The following CCDC92 variants were observed in gnomAD, a reference collection of about 807,000 sequenced individuals.
The protein encoded by CCDC92 is coiled-coil domain-containing protein 92.
A neutral mutation model predicts 24.9 loss-of-function variants in CCDC92; 12 were observed. That is an observed-to-expected ratio of 0.48 (90% CI 0.31 to 0.78). The LOEUF (loss-of-function observed/expected upper bound fraction) is 0.78. Ranked by LOEUF, CCDC92 falls within the 30% of genes least tolerant of loss-of-function variation. CCDC92 has a pLI of 0.05. For synonymous variants in CCDC92, 193 were observed against 196.3 expected (o/e 0.98, Z 0.14); for missense variants, 399 against 439.4 (o/e 0.91, Z 0.82).
chr12:123,965,071 T>C (rs1320818313), intron 1 of CCDC92, among the ~76,000 whole-genome samples: 1 of 152,222 alleles, frequency 6.6e-6, no homozygotes, highest in East Asian at 1.9e-4. Flanking sequence ...CTGGGTCTTT[T>C]TTTTAAATAC....
At chr12:123,969,922 T>C (rs1956485875) in intron 1 of CCDC92, 1 of 152,162 alleles carries the variant, frequency 6.6e-6, no homozygotes, top group African/African-American at 2.4e-5. Context: ...TCAATGTTTA[T>C]TGTAGAAAAT....
At chr12:123,963,325 CA>C (rs1956318251) in intron 1 of CCDC92, among the ~76,000 whole-genome samples, 1 of 152,174 alleles carries the variant, frequency 6.6e-6, no homozygotes, top group Non-Finnish European at 1.5e-5. Context: ...TTTGGGAGGG[CA>C]AACTCTCACC....
chr12:123,944,271 C>T lies in CCDC92; in HGVS notation c.34+1G>A. On this transcript the variant is annotated splice_donor_variant, in intron 2 of 4. Coordinates refer to ENST00000238156, the MANE Select transcript of CCDC92 (RefSeq NM_025140.3). LOFTEE classifies it high-confidence loss of function. ...TGCTCACTCAGGGCCCCAGACTCTA[C>T]CTTCATCGTAACTCGAGAAATGTGG... 2 of 1,588,068 alleles carry T rather than the reference C, an allele frequency of 1.3e-6. No homozygotes were observed. Among genetic ancestry groups the T allele is most frequent in the Non-Finnish European group, 1.7e-6 (2 of 1,163,388 alleles).
chr12:123,961,538 TG>T lies in CCDC92; in HGVS notation c.-60+10990del, dbSNP rs572250087. 2.0e-4 allele frequency among the ~76,000 whole-genome samples: 30 copies of T among 152,286 alleles called. No homozygotes were observed. The South Asian group carries it at 6.2e-3, about 32-fold the overall frequency. Reference sequence around the variant, plus strand: ...AGAAAAGCTAGTGTCAGATTTAAGTTGTATATTAAAAGTTGCTCAGAAAAGT... The same window carrying T: ...AGAAAAGCTAGTGTCAGATTTAAGTTTATATTAAAAGTTGCTCAGAAAAGT... On this transcript the variant is annotated intron_variant, in intron 1 of 4. Transcript: ENST00000238156.
rs140304773 is a variant in CCDC92 at position 123,949,966 on chromosome 12, G to A, written c.-59-5602C>T. Among the ~76,000 whole-genome samples, 6 of 152,310 alleles carry A rather than the reference G, an allele frequency of 3.9e-5. No individual in the cohort carries two copies. The East Asian group carries it at 7.7e-4, about 20-fold the overall frequency. On this transcript the variant is annotated intron_variant, in intron 1 of 4. Coordinates refer to ENST00000238156, the MANE Select transcript of CCDC92 (RefSeq NM_025140.3). ...TCTCAGGGCATTAATGTAACATGACGACATAATTCTATCCATGGACCACCT... is the reference window on the plus strand; with the variant it reads ...TCTCAGGGCATTAATGTAACATGACAACATAATTCTATCCATGGACCACCT...
At position 123,943,398 on chromosome 12, in the gene CCDC92, T is replaced by C. The variant is rs1448241548; in HGVS notation, c.130A>G (p.Thr44Ala). The change falls in exon 3 of 5, where the codon ACG becomes GCG. Residue 44 changes from threonine to alanine, a missense_variant. Coordinates refer to ENST00000238156, the MANE Select transcript of CCDC92 (RefSeq NM_025140.3). ...LLFLQREHAS[T>A]LKGLHSEIRR... ...ATCTCGGAGTGCAGCCCCTTGAGCGTGCTGGCATGCTCCCGCTGAAGGAAC... is the reference window on the plus strand; with the variant it reads ...ATCTCGGAGTGCAGCCCCTTGAGCGCGCTGGCATGCTCCCGCTGAAGGAAC... 1.2e-6 allele frequency: 2 copies of C among 1,614,108 alleles called. No homozygotes were observed. The highest frequency in any genetic ancestry group is 2.2e-5 in the South Asian group (2 of 91,082).
In CCDC92 at chr12:123,943,234, T is replaced by C; in HGVS notation, c.181+113A>G. The C allele has an allele frequency of 1.3e-5, 15 of 1,151,166 alleles. No individual in the cohort carries two copies. The South Asian group carries it at 2.0e-4, about 15-fold the overall frequency. 71.3% of individuals were successfully genotyped at this position (1,151,166 alleles called of 1,614,324 possible). A position where few individuals can be genotyped will look rare whatever the true frequency, so the allele number is the denominator to read the frequency against. On this transcript the variant is annotated intron_variant, in intron 3 of 4. Coordinates refer to ENST00000238156, the MANE Select transcript of CCDC92 (RefSeq NM_025140.3). Reference sequence around the variant, plus strand: ...GATGATATAAGGCATTCAGATGGACTCCTGCAACGATGATGGGAGCTGGGG... The same window carrying C: ...GATGATATAAGGCATTCAGATGGACCCCTGCAACGATGATGGGAGCTGGGG...
chr12:123,942,609 T>TA, intron 4 of CCDC92, 135 bp downstream of exon 4: 1 of 746,914 alleles, frequency 1.3e-6, no homozygotes, highest in Non-Finnish European at 2.4e-6. Context: ...CATCTTCTCT[T>TA]AGAGAGCTCA....
chr12:123,940,969 C>A (rs1955665692), intron 4 of CCDC92, among the ~76,000 whole-genome samples: 1 of 142,670 alleles, frequency 7.0e-6, no homozygotes, highest in Non-Finnish European at 1.5e-5. Context: ...CCCTAAGACA[C>A]AGCCCTTGCT....
chr12:123,964,705 A>C (rs553818569), intron 1 of CCDC92, among the ~76,000 whole-genome samples: 2 of 152,334 alleles, frequency 1.3e-5, no homozygotes, highest in East Asian at 3.9e-4. Context: ...GGTGAATCTA[A>C]ACCTGAGTAT....
chr12:123,972,621 TGGGCGGGGCGCGGC>T lies in CCDC92; in HGVS notation c.-166_-153del, dbSNP rs577820656. The stretch of plus-strand genomic sequence containing the variant: ...CGGTGGGGGCCCGTGGCCCATGGGC[TGGGCGGGGCGCGGC>T]GGGCGGGGCTGCCTGGGCTCGGGCG... On this transcript the variant is annotated 5_prime_UTR_variant, in exon 1 of 5. Coordinates refer to ENST00000238156, the MANE Select transcript of CCDC92 (RefSeq NM_025140.3). 0.042 allele frequency: 6,266 copies of T among 148,700 alleles called. 409 individuals are homozygous for T. The highest frequency in any genetic ancestry group is 0.13 in the African/African-American group (5,492 of 40,962). The allele number at this position is 148,700 out of a possible 1,614,324, so 9.2% of individuals were successfully genotyped here. A position where few individuals can be genotyped will look rare whatever the true frequency, so the allele number is the denominator to read the frequency against.
In CCDC92 at chr12:123,944,273, T is replaced by A; in HGVS notation, c.33A>T (p.Glu11Asp). The part of the protein sequence containing the change: MTSPHFSSYD[E>D]GPLDVSMAAT... ...CTCACTCAGGGCCCCAGACTCTACC[T>A]TCATCGTAACTCGAGAAATGTGGTG... Residue 11 changes from glutamate to aspartate, a missense_variant and splice_region_variant, in exon 2 of 5, where the codon GAA (glutamate) becomes GAT (aspartate). Glu to Asp is a conservative substitution (Grantham distance 45). Coordinates refer to ENST00000238156, the MANE Select transcript of CCDC92 (RefSeq NM_025140.3). The A allele has an allele frequency of 6.3e-7, 1 of 1,589,732 alleles. No homozygotes were observed. The highest frequency in any genetic ancestry group is 8.6e-7 in the Non-Finnish European group (1 of 1,165,156).
intron 1 of CCDC92, chr12:123,945,542 GC>G (rs1216819641): frequency 6.6e-6 from 1 of 152,248 alleles, no homozygotes; most frequent in Non-Finnish European, 1.5e-5. Flanking sequence ...TTCTGACCTT[GC>G]CCTTCCCTCA....
intron 4 of CCDC92, among the ~76,000 whole-genome samples, chr12:123,940,559 C>T (rs901068869): frequency 5.9e-5 from 9 of 152,200 alleles, no homozygotes; most frequent in Non-Finnish European, 1.0e-4. Context: ...GAATCAGCAC[C>T]TCCTGTTTTG....
At chr12:123,940,805 G>A (rs572815729) in intron 4 of CCDC92, among the ~76,000 whole-genome samples, 41 of 150,690 alleles carry the variant, frequency 2.7e-4, no homozygotes, top group African/African-American at 9.0e-4. Context: ...ACAGCCCCCA[G>A]GGGAGGGAAG....
chr12:123,956,952 A>G (rs1195077355), intron 1 of CCDC92, among the ~76,000 whole-genome samples: 1 of 152,230 alleles, frequency 6.6e-6, no homozygotes, highest in East Asian at 1.9e-4. Flanking sequence ...ATGAGAGGCA[A>G]TCCAGTATTT....
At chr12:123,944,020 T>G in intron 2 of CCDC92, 1 of 515,358 alleles carries the variant, frequency 1.9e-6, no homozygotes, top group Non-Finnish European at 3.4e-6. Context: ...ACCTGGGAAA[T>G]GGGCCAAACA....
At chr12:123,954,510 CT>C (rs1956104796) in intron 1 of CCDC92, among the ~76,000 whole-genome samples, 1 of 152,320 alleles carries the variant, frequency 6.6e-6, no homozygotes, top group Admixed American at 6.5e-5. Flanking sequence ...TCTGGGAAGG[CT>C]GCAGTCACTG....
chr12:123,957,633 A>ACCATTATT (rs1416534739), intron 1 of CCDC92, among the ~76,000 whole-genome samples: 1 of 151,378 alleles, frequency 6.6e-6, no homozygotes, highest in African/African-American at 2.4e-5. Flanking sequence ...AGTAATTATG[A>ACCATTATT]CCATTATTTA....
Sources: gnomAD v4.1 joint callset for allele counts (sites outside exome capture counted in the v4.1 genomes callset) on GRCh38, gnomAD v4.1.1 for gene constraint, MANE v1.5 for transcripts, NCBI Gene and HGNC (gene_info 2026-07-23, HGNC 2026-07-21) for gene names.